Variants in RNF4 observed in about 807,000 individuals in gnomAD.
The protein encoded by RNF4 is ring finger protein 4.
RNF4 carries 7 observed loss-of-function variants against 24.3 expected under a neutral mutation model. The observed-to-expected ratio is 0.29, with a 90% confidence interval of 0.16 to 0.54. RNF4 has a LOEUF of 0.54. Ranked by LOEUF, RNF4 falls within the 20% of genes least tolerant of loss-of-function variation. The pLI is 0.95. For missense variants in RNF4, 209 were observed against 248.5 expected (o/e 0.84, Z 1.07); for synonymous variants, 83 against 84.3 (o/e 0.98, Z 0.09).
chr4:2,513,257 CACTTAT>C, intron 7 of RNF4, 126 bp downstream of exon 7: 1 of 877,692 alleles, frequency 1.1e-6, no homozygotes, highest in South Asian at 1.4e-5. Context: ...CCTGGGCCGT[CACTTAT>C]TGCAGATCTG....
chr4:2,487,976 A>G (rs993905183), intron 1 of RNF4, among the ~76,000 whole-genome samples: 1 of 151,934 alleles, frequency 6.6e-6, no homozygotes, highest in Non-Finnish European at 1.5e-5. Context: ...TGAAAAACCT[A>G]CTCTGGCCTC....
chr4:2,512,314 A>G lies in RNF4; in HGVS notation c.215-124A>G. On this transcript the variant is annotated intron_variant, in intron 5 of 7. Transcript: ENST00000314289. This position sits in a 1 kb window ranked among gnomAD's most constrained non-coding sequence, Gnocchi z 4.1. ...CTTCTGGGTTATAGCTGAGCATGGCAGCAGTTTGTCTCTGGGGGTCCCAGG... is the reference window on the plus strand; with the variant it reads ...CTTCTGGGTTATAGCTGAGCATGGCGGCAGTTTGTCTCTGGGGGTCCCAGG... 8.8e-7 allele frequency: 1 copy of G among 1,135,132 alleles called. No individual in the cohort carries two copies. Among genetic ancestry groups the G allele is most frequent in the Non-Finnish European group, 1.3e-6 (1 of 774,882 alleles). The allele number at this position is 1,135,132 out of a possible 1,614,324, so 70.3% of individuals were successfully genotyped here. A position where few individuals can be genotyped will look rare whatever the true frequency, so the allele number is the denominator to read the frequency against.
chr4:2,483,665 A>G (rs1237456499), intron 1 of RNF4, among the ~76,000 whole-genome samples: 4 of 151,960 alleles, frequency 2.6e-5, no homozygotes, highest in Admixed American at 2.0e-4. Flanking sequence ...TTAGCCGGGC[A>G]TGGTGGTGGG....
At chr4:2,474,978 G>T (rs960519648) in intron 1 of RNF4, among the ~76,000 whole-genome samples, 1 of 152,280 alleles carries the variant, frequency 6.6e-6, no homozygotes, top group South Asian at 2.1e-4. Context: ...GGTGAGCCAA[G>T]ATTGCGCCGT....
chr4:2,489,040 T>G (rs60851498), intron 1 of RNF4, among the ~76,000 whole-genome samples: 8,021 of 151,830 alleles, frequency 0.053, 706 homozygotes, highest in African/African-American at 0.18. Context: ...CTCAAACTCC[T>G]GACCTCAGGT....
chr4:2,511,724 C>G (rs886492958), intron 4 of RNF4, among the ~76,000 whole-genome samples: 1 of 152,152 alleles, frequency 6.6e-6, no homozygotes, highest in African/African-American at 2.4e-5. Flanking sequence ...AAACACCCAG[C>G]AGGGAGAGAC....
rs1736398805 is a variant in RNF4, at chr4:2,515,762, C to A, written c.*1943C>A. 1 of 152,578 alleles carries A rather than the reference C, an allele frequency of 6.6e-6. No homozygotes were observed. Among genetic ancestry groups the A allele is most frequent in the South Asian group, 2.1e-4 (1 of 4,826 alleles). The allele number at this position is 152,578 out of a possible 1,614,324, so 9.5% of individuals were successfully genotyped here. ...TTCAATGTACATAGTTCAACTCTTT[C>A]TTTGTTACATTTAAACTATATCCAT... On this transcript the variant is annotated 3_prime_UTR_variant, in exon 8 of 8. Transcript: ENST00000314289.
intron 3 of RNF4, among the ~76,000 whole-genome samples, chr4:2,497,540 C>A (rs981751024): frequency 1.3e-5 from 2 of 152,220 alleles, no homozygotes; most frequent in South Asian, 4.1e-4. Flanking sequence ...ATTTCCCCTT[C>A]TGCCTGCTCA....
chr4:2,484,794 C>T (rs1279505278), intron 1 of RNF4, among the ~76,000 whole-genome samples: 2 of 152,154 alleles, frequency 1.3e-5, no homozygotes, highest in Non-Finnish European at 2.9e-5. Context: ...TCTGCCACTA[C>T]CCCGAGCCTC....
chr4:2,500,868 G>T (rs1735889333), intron 4 of RNF4, 130 bp downstream of exon 4: 1 of 751,180 alleles, frequency 1.3e-6, no homozygotes, highest in South Asian at 1.6e-5. Context: ...CATGCATCTT[G>T]TGGAATTGAG....
chr4:2,496,289 C>T (rs532845532), intron 2 of RNF4, among the ~76,000 whole-genome samples: 2 of 152,048 alleles, frequency 1.3e-5, no homozygotes. Flanking sequence ...GTTCTTTATG[C>T]TAAGAAACAA....
chr4:2,483,125 A>T (rs1560402123), intron 1 of RNF4, among the ~76,000 whole-genome samples: 1 of 152,278 alleles, frequency 6.6e-6, no homozygotes, highest in East Asian at 1.9e-4. Flanking sequence ...TCCAGCTAGG[A>T]TATATGCTCC....
chr4:2,513,537 C>T (rs772153083), intron 7 of RNF4, 133 bp from the exon 8 acceptor site: 4 of 1,032,314 alleles, frequency 3.9e-6, no homozygotes, highest in Middle Eastern at 3.2e-4. Context: ...TCTCCAGACC[C>T]CTCCCTGTTG....
At position 2,512,009 on chromosome 4, in the gene RNF4, C is replaced by A; in HGVS notation, c.214+44C>A. 2 of 1,589,566 alleles carry A rather than the reference C, an allele frequency of 1.3e-6. No individual in the cohort carries two copies. The highest frequency in any genetic ancestry group is 1.7e-6 in the Non-Finnish European group (2 of 1,165,106). On this transcript the variant is annotated intron_variant, in intron 5 of 7. Coordinates refer to ENST00000314289, the MANE Select transcript of RNF4 (RefSeq NM_002938.5). The surrounding 1 kb of genome is among the most constrained non-coding windows in gnomAD (Gnocchi z 4.1). ...TTTTTCACTGGGTTTGGAGAGGAAA[C>A]TGGCATAGGTGAGAGCCGCGGTGCT...
intron 1 of RNF4, among the ~76,000 whole-genome samples, chr4:2,485,030 G>C (rs1044079295): frequency 2.0e-4 from 31 of 152,142 alleles, no homozygotes; most frequent in Admixed American, 2.0e-3. Flanking sequence ...CACAGTGCTC[G>C]TGTGGGACAT....
chr4:2,501,485 G>A (rs902380030), intron 4 of RNF4, among the ~76,000 whole-genome samples: 2 of 152,240 alleles, frequency 1.3e-5, no homozygotes, highest in Non-Finnish European at 2.9e-5. Context: ...CAGGGGACGT[G>A]TGTATACGTG....
chr4:2,513,729 G>T lies in RNF4; in HGVS notation c.483G>T (p.Gln161His). The T allele has an allele frequency of 6.2e-7, 1 of 1,613,910 alleles. No individual in the cohort carries two copies. The highest frequency in any genetic ancestry group is 8.5e-7 in the Non-Finnish European group (1 of 1,179,894). ...STECGHVFCS[Q>H]CLRDSLKNAN... ...AATGCGGCCATGTCTTCTGTAGCCA[G>T]TGCCTCCGTGATTCCCTGAAGAATG... is the stretch of plus-strand genomic sequence containing the variant. The change falls in exon 8 of 8, where the codon CAG (glutamine) becomes CAT (histidine). Residue 161 changes from glutamine to histidine, a missense_variant. Physicochemically the swap from Gln to His is conservative, Grantham distance 24. Around this residue, in one of 3 missense-constraint regions of RNF4, gnomAD observed 10 missense variants for 35.0 expected, o/e 0.29. Transcript: ENST00000314289.
intron 2 of RNF4, among the ~76,000 whole-genome samples, chr4:2,491,231 T>C (rs932664646): frequency 3.3e-5 from 5 of 152,218 alleles, no homozygotes; most frequent in Non-Finnish European, 7.3e-5. Flanking sequence ...AATTACTGTT[T>C]AGCGCTTTTG....
intron 2 of RNF4, 131 bp downstream of exon 2, chr4:2,490,633 A>G (rs1735551733): frequency 2.2e-6 from 2 of 924,852 alleles, no homozygotes; most frequent in Non-Finnish European, 3.2e-6. Flanking sequence ...AGGAGTATGT[A>G]TAGGAGCTTT....
Sources: gnomAD v4.1 joint callset for allele counts (sites outside exome capture counted in the v4.1 genomes callset) on GRCh38, gnomAD v4.1.1 for gene constraint, gnomAD v4.1.1 regional missense constraint, Gnocchi (gnomAD v3.1) non-coding constraint, MANE v1.5 for transcripts, NCBI Gene and HGNC (gene_info 2026-07-23, HGNC 2026-07-21) for gene names.